SND1: variants seen among roughly 807,000 people sequenced by gnomAD.
The protein encoded by SND1 is staphylococcal nuclease and tudor domain containing 1.
A neutral mutation model predicts 121.7 loss-of-function variants in SND1; 38 were observed. The ratio of observed to expected loss-of-function variants is 0.31; its 90% CI spans 0.24 to 0.41. The LOEUF is 0.41. SND1 is among the 10% of genes least tolerant of loss of function. The pLI, the probability that SND1 is intolerant of heterozygous loss-of-function variation, is 1.00. For synonymous variants in SND1, 401 were observed against 447.4 expected (o/e 0.90, Z 1.31); for missense variants, 868 against 1,184.6 (o/e 0.73, Z 3.92).
chr7:127,795,743 G>T (rs1010854696), intron 10 of SND1, among the ~76,000 whole-genome samples: 1 of 152,142 alleles, frequency 6.6e-6, no homozygotes, highest in African/African-American at 2.4e-5. Context: ...ATTAGACGCA[G>T]GCTGCCAAGA....
chr7:128,067,489 G>T (rs1793335771), intron 16 of SND1, among the ~76,000 whole-genome samples: 1 of 152,156 alleles, frequency 6.6e-6, no homozygotes, highest in Non-Finnish European at 1.5e-5. Flanking sequence ...AGAACTTACA[G>T]CCAGCACCCC....
At chr7:127,912,182 C>G (rs1800472845) in intron 14 of SND1, among the ~76,000 whole-genome samples, 1 of 152,076 alleles carries the variant, frequency 6.6e-6, no homozygotes, top group Non-Finnish European at 1.5e-5. Flanking sequence ...TTGAAACTCC[C>G]CTATTCAAAT....
At chr7:127,806,686 TG>T (rs1798244317) in intron 10 of SND1, among the ~76,000 whole-genome samples, 1 of 152,240 alleles carries the variant, frequency 6.6e-6, no homozygotes, top group African/African-American at 2.4e-5. Context: ...CCAGGTGTGA[TG>T]GCTCAGGCCT....
chr7:127,785,106 A>C (rs1235349000), intron 10 of SND1, among the ~76,000 whole-genome samples: 6 of 152,128 alleles, frequency 3.9e-5, no homozygotes. Context: ...ATGATATCTC[A>C]CTATGCTGCT....
intron 16 of SND1, among the ~76,000 whole-genome samples, chr7:128,072,785 C>T (rs1202717801): frequency 6.6e-6 from 1 of 152,128 alleles, no homozygotes; most frequent in Non-Finnish European, 1.5e-5. Flanking sequence ...GTTCCAGCGC[C>T]CTGGGCATTT....
At chr7:128,001,390 T>G (rs1233399593) in intron 16 of SND1, among the ~76,000 whole-genome samples, 1 of 152,348 alleles carries the variant, frequency 6.6e-6, no homozygotes, top group African/African-American at 2.4e-5. Flanking sequence ...TGTCTGACCA[T>G]GCACACATCC....
chr7:127,733,962 T>G (rs1188287876), intron 10 of SND1, among the ~76,000 whole-genome samples: 1 of 152,068 alleles, frequency 6.6e-6, no homozygotes, highest in South Asian at 2.1e-4. Flanking sequence ...TGTGTTAAAA[T>G]CTCTGATCGG....
chr7:127,778,913 C>G (rs1018789330), intron 10 of SND1, among the ~76,000 whole-genome samples: 4 of 152,126 alleles, frequency 2.6e-5, no homozygotes, highest in African/African-American at 9.7e-5. Flanking sequence ...CTCCCAGGGC[C>G]CTGATGGATC....
chr7:127,767,240 T>C (rs968266996), intron 10 of SND1, among the ~76,000 whole-genome samples: 2 of 152,172 alleles, frequency 1.3e-5, no homozygotes, highest in Non-Finnish European at 2.9e-5. Context: ...CCCTTTCCAC[T>C]GTTTAATGTA....
intron 16 of SND1, among the ~76,000 whole-genome samples, chr7:127,991,951 C>T (rs1802533771): frequency 1.3e-5 from 2 of 152,166 alleles, no homozygotes; most frequent in African/African-American, 2.4e-5. Context: ...CACGCCACTC[C>T]GAGATGCTTA....
rs1053735561 is a variant in SND1, at chr7:128,085,561, G to A, written c.2235-150G>A. The A allele has an allele frequency of 3.1e-5, 21 of 687,006 alleles. No homozygotes were observed. The African/African-American group carries it at 3.5e-4, about 12-fold the overall frequency. The allele number at this position is 687,006 out of a possible 1,614,324, so 42.6% of individuals were successfully genotyped here. A position where few individuals can be genotyped will look rare whatever the true frequency, so the allele number is the denominator to read the frequency against. ...GGTGGTGACCACAGTGGCCGAGGCT[G>A]GGCCTAGATGGAGTGCAGTTACTGT... On this transcript the variant is annotated intron_variant, in intron 19 of 23. Transcript: ENST00000354725. The surrounding 1 kb of genome is among the most constrained non-coding windows in gnomAD (Gnocchi z 4.4).
chr7:128,041,367 A>T (rs6952784), intron 16 of SND1, among the ~76,000 whole-genome samples: 95,242 of 151,564 alleles, frequency 0.63, 30,501 homozygotes, highest in African/African-American at 0.71. Context: ...ACCACTGGCT[A>T]TCCCATGAGT....
chr7:127,943,282 T>TC (rs1442584564), intron 15 of SND1, among the ~76,000 whole-genome samples: 1 of 152,102 alleles, frequency 6.6e-6, no homozygotes, highest in African/African-American at 2.4e-5. Context: ...CCAAGTGGGG[T>TC]CCAAAGTCAT....
At chr7:127,851,707 G>A (rs900323328) in intron 12 of SND1, among the ~76,000 whole-genome samples, 9 of 152,124 alleles carry the variant, frequency 5.9e-5, no homozygotes, top group Non-Finnish European at 1.0e-4. Flanking sequence ...AAAATTTACA[G>A]ACTATTCTTT....
chr7:127,910,622 T>G (rs1250121652), intron 14 of SND1, among the ~76,000 whole-genome samples: 1 of 152,164 alleles, frequency 6.6e-6, no homozygotes, highest in Non-Finnish European at 1.5e-5. Flanking sequence ...CTCATATGAT[T>G]CTAATGTTCC....
chr7:127,827,531 T>C (rs911582798), intron 11 of SND1, among the ~76,000 whole-genome samples: 5 of 152,236 alleles, frequency 3.3e-5, no homozygotes, highest in African/African-American at 1.2e-4. Context: ...GTAGATGTTA[T>C]TGATGTATCT....
At chr7:127,831,428 T>TA (rs947959838) in intron 11 of SND1, among the ~76,000 whole-genome samples, 6 of 152,236 alleles carry the variant, frequency 3.9e-5, no homozygotes, top group African/African-American at 9.6e-5. Context: ...AGTTCCTTGT[T>TA]ACGTGACAAG....
intron 10 of SND1, among the ~76,000 whole-genome samples, chr7:127,736,321 G>A (rs541847719): frequency 1.3e-5 from 2 of 152,184 alleles, no homozygotes; most frequent in African/African-American, 2.4e-5. Flanking sequence ...GTTAATAATC[G>A]CAAGGCCTTC....
chr7:127,763,863 G>A (rs1797355040), intron 10 of SND1, among the ~76,000 whole-genome samples: 1 of 151,730 alleles, frequency 6.6e-6, no homozygotes, highest in African/African-American at 2.4e-5. Context: ...GGAGACTGAG[G>A]GAGGAGGATT....
Sources: gnomAD v4.1 joint callset for allele counts (sites outside exome capture counted in the v4.1 genomes callset) on GRCh38, gnomAD v4.1.1 for gene constraint, Gnocchi (gnomAD v3.1) non-coding constraint, MANE v1.5 for transcripts, NCBI Gene and HGNC (gene_info 2026-07-23, HGNC 2026-07-21) for gene names.